Variants in PPP2R1A observed in about 807,000 individuals in gnomAD.
The protein encoded by PPP2R1A is serine/threonine-protein phosphatase 2A 65 kDa regulatory subunit A alpha isoform.
In PPP2R1A, 15 loss-of-function variants were observed where a neutral mutation model predicts 67.1. That is an observed-to-expected ratio of 0.22 (90% CI 0.15 to 0.34). The LOEUF (loss-of-function observed/expected upper bound fraction) is 0.34. Among genes scored for constraint, PPP2R1A ranks in the 10% least tolerant of loss-of-function variants. PPP2R1A has a pLI of 1.00. For missense variants in PPP2R1A, 369 were observed against 775.0 expected, an observed-to-expected ratio of 0.48 and a Z score of 6.22; for synonymous variants, 337 against 325.0, an observed-to-expected ratio of 1.04 and a Z score of -0.40.
intron 1 of PPP2R1A, among the ~76,000 whole-genome samples, chr19:52,190,812 A>G (rs750335227): frequency 1.3e-5 from 2 of 152,110 alleles, no homozygotes; most frequent in African/African-American, 2.4e-5. Context: ...GGATCCTCCC[A>G]TTGACCAGGA....
chr19:52,199,826 G>C (rs563133772), intron 1 of PPP2R1A, among the ~76,000 whole-genome samples: 2 of 152,274 alleles, frequency 1.3e-5, no homozygotes, highest in African/African-American at 4.8e-5. Flanking sequence ...CTTTCTATAG[G>C]TCTGTCTCTA....
chr19:52,224,748 G>T (rs1265160978), intron 13 of PPP2R1A, among the ~76,000 whole-genome samples: 1 of 152,198 alleles, frequency 6.6e-6, no homozygotes, highest in Non-Finnish European at 1.5e-5. Flanking sequence ...CGCCCAGACT[G>T]GAGTACAGTG....
At chr19:52,222,516 G>T in intron 13 of PPP2R1A, 1 of 316,012 alleles carries the variant, frequency 3.2e-6, no homozygotes. Flanking sequence ...ATGTAAGTAT[G>T]TGTATAATTT....
intron 3 of PPP2R1A, among the ~76,000 whole-genome samples, chr19:52,207,568 T>C (rs2089617225): frequency 6.6e-6 from 1 of 152,204 alleles, no homozygotes; most frequent in Non-Finnish European, 1.5e-5. Flanking sequence ...CTGACGTTCA[T>C]GTCAGCCAGC....
intron 1 of PPP2R1A, chr19:52,191,520 T>G (rs2089454622): frequency 6.6e-6 from 1 of 152,208 alleles, no homozygotes; most frequent in Non-Finnish European, 1.5e-5. Flanking sequence ...CAAGGTGCAC[T>G]GGGTAACCTG....
rs992230557 is a variant in PPP2R1A, at chr19:52,227,588, T to G, written c.*1607T>G. 3 of 152,236 alleles carry G rather than the reference T, an allele frequency of 2.0e-5. No homozygotes were observed. Among genetic ancestry groups the G allele is most frequent in the African/African-American group, 7.2e-5 (3 of 41,432 alleles). 9.4% of individuals were successfully genotyped at this position (152,236 alleles called of 1,614,324 possible). On this transcript the variant is annotated 3_prime_UTR_variant, in exon 15 of 15. Transcript: ENST00000322088. ...GAGGAAATGATGCTTGAGCACATTT[T>G]GACCCAGGTGGTGGAAGGGAAATGT...
rs1394993756 is a variant in PPP2R1A, at chr19:52,211,822, A to G, written c.503+330A>G. 5.9e-6 allele frequency: 2 copies of G among 341,176 alleles called. No homozygotes were observed. The highest frequency in any genetic ancestry group is 4.6e-5 in the Admixed American group (1 of 21,780). 21.1% of individuals were successfully genotyped at this position (341,176 alleles called of 1,614,324 possible). ...GGAACATAAAAACTTTCAGCAACTT[A>G]CATCTGATGGTATCTCCAGCCTGTC... is the stretch of plus-strand genomic sequence containing the variant. On this transcript the variant is annotated intron_variant, in intron 4 of 14. Transcript: ENST00000322088. This position sits in a 1 kb window ranked among gnomAD's most constrained non-coding sequence, Gnocchi z 5.3.
At chr19:52,218,491 C>A (rs190163635) in intron 9 of PPP2R1A, among the ~76,000 whole-genome samples, 3 of 152,218 alleles carry the variant, frequency 2.0e-5, no homozygotes, top group Middle Eastern at 3.4e-3. Context: ...TGGTTTTAAT[C>A]AGTTAATTAC....
chr19:52,227,991 C>T lies in PPP2R1A; in HGVS notation c.*2010C>T, dbSNP rs1190332530. 6.6e-6 allele frequency: 1 copy of T among 152,102 alleles called. No individual in the cohort carries two copies. Among genetic ancestry groups the T allele is most frequent in the East Asian group, 1.9e-4 (1 of 5,184 alleles). 9.4% of individuals were successfully genotyped at this position (152,102 alleles called of 1,614,324 possible). A position where few individuals can be genotyped will look rare whatever the true frequency, so the allele number is the denominator to read the frequency against. On this transcript the variant is annotated 3_prime_UTR_variant, in exon 15 of 15. Transcript: ENST00000322088. ...CAGAGCCTTCATTTTAACAAGATGC[C>T]CAGGTTCATCTGCACACTGAAGTTA...
Position 52,212,287 on chromosome 19 carries a change from G to A in PPP2R1A, c.504-399G>A, listed in dbSNP as rs2089677206. ...TTTGGCAGAGATGGGGTCTCACTAT[G>A]TTGCTCAGGCTGGTCTTGAACTCCT... is the stretch of plus-strand genomic sequence containing the variant. On this transcript the variant is annotated intron_variant, in intron 4 of 14. Transcript: ENST00000322088. This position sits in a 1 kb window ranked among gnomAD's most constrained non-coding sequence, Gnocchi z 4.1. Among the ~76,000 whole-genome samples the A allele has an allele frequency of 1.3e-5, 2 of 151,934 alleles. No homozygotes were observed. The highest frequency in any genetic ancestry group is 2.9e-5 in the Non-Finnish European group (2 of 67,978).
chr19:52,195,918 A>G (rs1437436397), intron 1 of PPP2R1A, among the ~76,000 whole-genome samples: 1 of 152,160 alleles, frequency 6.6e-6, no homozygotes, highest in Non-Finnish European at 1.5e-5. Flanking sequence ...CTTGACCTTC[A>G]GCCCCTCTCC....
chr19:52,216,429 G>T lies in PPP2R1A; in HGVS notation c.994-100G>T. On this transcript the variant is annotated intron_variant, in intron 8 of 14. Coordinates refer to ENST00000322088, the MANE Select transcript of PPP2R1A (RefSeq NM_014225.6). The surrounding 1 kb of genome is among the most constrained non-coding windows in gnomAD (Gnocchi z 4.3). Reference sequence around the variant, plus strand: ...ATCCCCTGCTCTATGAATGAGAGGGGCAGAAGCAGGTTATTGTCTCTTAGG... The same window carrying T: ...ATCCCCTGCTCTATGAATGAGAGGGTCAGAAGCAGGTTATTGTCTCTTAGG... 1.4e-6 allele frequency: 2 copies of T among 1,447,400 alleles called. No individual in the cohort carries two copies. The highest frequency in any genetic ancestry group is 2.8e-5 in the African/African-American group (2 of 71,298). The allele number at this position is 1,447,400 out of a possible 1,614,324, so 89.7% of individuals were successfully genotyped here. A position where few individuals can be genotyped will look rare whatever the true frequency, so the allele number is the denominator to read the frequency against.
At chr19:52,218,368 A>G (rs1978710070) in intron 9 of PPP2R1A, among the ~76,000 whole-genome samples, 1 of 152,162 alleles carries the variant, frequency 6.6e-6, no homozygotes, top group Admixed American at 6.5e-5. Flanking sequence ...CAGTGGAGTA[A>G]TCTCTTAGCC....
intron 3 of PPP2R1A, among the ~76,000 whole-genome samples, chr19:52,209,536 G>A (rs2089643254): frequency 1.3e-5 from 2 of 152,160 alleles, no homozygotes; most frequent in South Asian, 2.1e-4. Flanking sequence ...TACATAGAAT[G>A]TGCTATTTTA....
At chr19:52,210,731 A>G (rs1047481100) in intron 3 of PPP2R1A, among the ~76,000 whole-genome samples, 1 of 152,014 alleles carries the variant, frequency 6.6e-6, no homozygotes, top group African/African-American at 2.4e-5. Flanking sequence ...TGACCTCGTG[A>G]TCCACCCGCT....
rs545585578 is a variant in PPP2R1A at position 52,210,091 on chromosome 19, T to C, written c.271-1169T>C. 2.6e-5 allele frequency among the ~76,000 whole-genome samples: 4 copies of C among 152,156 alleles called. No individual in the cohort carries two copies. The East Asian group carries it at 5.8e-4, about 22-fold the overall frequency. On this transcript the variant is annotated intron_variant, in intron 3 of 14. Transcript: ENST00000322088. ...TGAGCCCTGGAGGCATTTCCATTTA[T>C]GATTTTTTTTTTCCTGCTTTAAATA...
chr19:52,191,312 T>C (rs2089452724), intron 1 of PPP2R1A: 1 of 152,250 alleles, frequency 6.6e-6, no homozygotes, highest in South Asian at 2.1e-4. Context: ...CTGTGTTCCA[T>C]AAAATATGGG....
chr19:52,190,649 C>T (rs1250365401), intron 1 of PPP2R1A, among the ~76,000 whole-genome samples: 1 of 152,148 alleles, frequency 6.6e-6, no homozygotes. Flanking sequence ...GAGGCGAAGG[C>T]CTGCCATCCT....
intron 6 of PPP2R1A, among the ~76,000 whole-genome samples, chr19:52,214,946 G>A (rs1036707817): frequency 6.6e-6 from 1 of 152,150 alleles, no homozygotes; most frequent in African/African-American, 2.4e-5. Context: ...GGCTGGTCTC[G>A]AATTCCTGGC....
Sources: allele counts gnomAD v4.1 joint callset (sites outside exome capture counted in the v4.1 genomes callset), GRCh38; gene constraint gnomAD v4.1.1; non-coding constraint Gnocchi (gnomAD v3.1); transcripts MANE v1.5; gene names NCBI Gene and HGNC (gene_info 2026-07-23, HGNC 2026-07-21).